Variants in FUT8 observed in about 807,000 individuals in gnomAD.
FUT8 encodes alpha-(1,6)-fucosyltransferase.
Under a neutral mutation model 71.3 loss-of-function variants are expected in FUT8, and 29 were observed. The ratio of observed to expected loss-of-function variants is 0.41; its 90% confidence interval spans 0.30 to 0.55. The LOEUF is 0.55. Among genes scored for constraint, FUT8 ranks in the 20% least tolerant of loss-of-function variants. The pLI is 0.34. For synonymous variants in FUT8, 254 were observed against 239.3 expected (o/e 1.06, Z -0.57); for missense variants, 544 against 702.1 (o/e 0.77, Z 2.55).
chr14:65,564,368 C>T (rs1462244693), intron 3 of FUT8, among the ~76,000 whole-genome samples: 1 of 151,942 alleles, frequency 6.6e-6, no homozygotes, highest in Admixed American at 6.6e-5. Flanking sequence ...AGATTCAAGT[C>T]AATAATCTGA....
intron 7 of FUT8, among the ~76,000 whole-genome samples, chr14:65,678,957 C>T (rs1049276033): frequency 2.6e-5 from 4 of 152,178 alleles, no homozygotes; most frequent in African/African-American, 9.7e-5. Flanking sequence ...AGCACTGCAG[C>T]ATGATCCTTT....
At chr14:65,717,220 C>T (rs1281975614) in intron 7 of FUT8, among the ~76,000 whole-genome samples, 7 of 108,548 alleles carry the variant, frequency 6.4e-5, no homozygotes, top group African/African-American at 1.8e-4. Context: ...ACCTCCCAGA[C>T]GGGGCGGCCG....
At chr14:65,675,625 AAGGTACTTC>A (rs1191463875) in intron 7 of FUT8, among the ~76,000 whole-genome samples, 1 of 152,162 alleles carries the variant, frequency 6.6e-6, no homozygotes, top group Non-Finnish European at 1.5e-5. Flanking sequence ...GCAAAGCAGC[AAGGTACTTC>A]TAGGTTATTT....
chr14:65,416,859 CT>C (rs1313725842), intron 1 of FUT8, among the ~76,000 whole-genome samples: 1 of 150,266 alleles, frequency 6.7e-6, no homozygotes, highest in Non-Finnish European at 1.5e-5. Flanking sequence ...TCACGGCTCA[CT>C]GCAGCCTTGA....
chr14:65,624,558 C>A (rs1377487374), intron 5 of FUT8, among the ~76,000 whole-genome samples: 1 of 152,212 alleles, frequency 6.6e-6, no homozygotes, highest in African/African-American at 2.4e-5. Context: ...AGACCTAATG[C>A]AGTTTTTACC....
intron 3 of FUT8, among the ~76,000 whole-genome samples, chr14:65,611,666 C>G (rs1429013510): frequency 6.6e-6 from 1 of 151,656 alleles, no homozygotes; most frequent in Non-Finnish European, 1.5e-5. Flanking sequence ...TTCTTTCTTT[C>G]TTTCTTTTTT....
intron 7 of FUT8, among the ~76,000 whole-genome samples, chr14:65,719,368 G>A (rs1008490126): frequency 1.3e-5 from 2 of 151,930 alleles, no homozygotes; most frequent in East Asian, 3.9e-4. Flanking sequence ...GTGTTATCTT[G>A]AACTTCTTTG....
At chr14:65,616,720 C>T (rs1320941187) in intron 5 of FUT8, among the ~76,000 whole-genome samples, 5 of 152,000 alleles carry the variant, frequency 3.3e-5, no homozygotes, top group African/African-American at 4.8e-5. Flanking sequence ...TTTTGCATTG[C>T]GGTACATTGG....
At chr14:65,624,409 A>G (rs1276946759) in intron 5 of FUT8, among the ~76,000 whole-genome samples, 2 of 152,180 alleles carry the variant, frequency 1.3e-5, no homozygotes, top group East Asian at 1.9e-4. Flanking sequence ...CTTGGTAAAA[A>G]CATTGACATA....
chr14:65,589,940 A>G (rs1887599411), intron 3 of FUT8, among the ~76,000 whole-genome samples: 3 of 152,248 alleles, frequency 2.0e-5, no homozygotes, highest in Non-Finnish European at 4.4e-5. Flanking sequence ...ATACATTGGC[A>G]TGATATTTCT....
the FUT8 span, among the ~76,000 whole-genome samples, chr14:65,402,040 G>A: frequency 5.3e-5 from 8 of 151,996 alleles, no homozygotes; most frequent in East Asian, 1.5e-3. Flanking sequence ...TCAGCTCTGG[G>A]GTAAGTCTCA....
At position 65,742,370 on chromosome 14, in the gene FUT8, A is replaced by G. The variant is rs1189386814; in HGVS notation, c.1688A>G (p.Glu563Gly). The stretch of plus-strand genomic sequence containing the variant: ...TCCTACAAAGTTCGAGAGAAGATAG[A>G]AACGGTCAAGTACCCCACATATCCT... ...YPSYKVREKI[E>G]TVKYPTYPEA... Residue 563 changes from glutamate to glycine, a missense_variant, in exon 11 of 11, where the codon GAA (glutamate) becomes GGA (glycine). By Grantham distance (98) the Glu-to-Gly change is moderately conservative. Coordinates refer to ENST00000673929, the MANE Select transcript of FUT8 (RefSeq NM_001371533.1). 4 of 1,612,700 alleles carry G rather than the reference A, an allele frequency of 2.5e-6. No individual in the cohort carries two copies. The highest frequency in any genetic ancestry group is 3.4e-6 in the Non-Finnish European group (4 of 1,179,154).
At chr14:65,560,011 A>G (rs1463820287) in intron 2 of FUT8, among the ~76,000 whole-genome samples, 1 of 152,142 alleles carries the variant, frequency 6.6e-6, no homozygotes, top group Admixed American at 6.6e-5. Context: ...ATTAAGGTAA[A>G]TGTTGTAGGA....
the FUT8 span, among the ~76,000 whole-genome samples, chr14:65,365,773 A>C: frequency 6.6e-6 from 1 of 152,112 alleles, no homozygotes; most frequent in African/African-American, 2.4e-5. Context: ...AACCATATAA[A>C]TGGGCAACCA....
the FUT8 span, among the ~76,000 whole-genome samples, chr14:65,359,585 T>C: frequency 2.0e-5 from 3 of 152,216 alleles, no homozygotes; most frequent in African/African-American, 7.2e-5. Flanking sequence ...TACACACTAC[T>C]TGTCTTTTTG....
chr14:65,373,975 G>GT, the FUT8 span, among the ~76,000 whole-genome samples: 1 of 152,176 alleles, frequency 6.6e-6, no homozygotes, highest in Non-Finnish European at 1.5e-5. Context: ...ATCTAACTTG[G>GT]TTTTTATACG....
At chr14:65,521,095 G>C (rs1046760686) in intron 2 of FUT8, among the ~76,000 whole-genome samples, 4 of 151,998 alleles carry the variant, frequency 2.6e-5, no homozygotes, top group African/African-American at 9.7e-5. Flanking sequence ...ATATTTTAAA[G>C]TGAGATAGTT....
chr14:65,424,136 G>A (rs1019380637), intron 1 of FUT8, among the ~76,000 whole-genome samples: 1 of 152,152 alleles, frequency 6.6e-6, no homozygotes, highest in Non-Finnish European at 1.5e-5. Context: ...ATGAAACCGC[G>A]AGAGATCACT....
intron 1 of FUT8, among the ~76,000 whole-genome samples, chr14:65,422,429 G>T (rs1173180794): frequency 6.6e-6 from 1 of 151,912 alleles, no homozygotes; most frequent in Non-Finnish European, 1.5e-5. Flanking sequence ...GTTTTTTATG[G>T]CATTGTTTTC....
Sources: gnomAD v4.1 joint callset for allele counts (sites outside exome capture counted in the v4.1 genomes callset) on GRCh38, gnomAD v4.1.1 for gene constraint, MANE v1.5 for transcripts, NCBI Gene and HGNC (gene_info 2026-07-23, HGNC 2026-07-21) for gene names.